DENND2B: variants seen among roughly 807,000 people sequenced by gnomAD.
The protein encoded by DENND2B is DENN domain containing 2B.
A neutral mutation model predicts 116.0 loss-of-function variants in DENND2B; 32 were observed. That is an observed-to-expected ratio of 0.28 (90% CI 0.21 to 0.37). DENND2B has a LOEUF of 0.37. DENND2B is among the 10% of genes least tolerant of loss of function. The pLI, the probability that DENND2B is intolerant of heterozygous loss-of-function variation, is 1.00. For synonymous variants in DENND2B, 588 were observed against 583.9 expected, an observed-to-expected ratio of 1.01 and a Z score of -0.10; for missense variants, 1,276 against 1,477.7, an observed-to-expected ratio of 0.86 and a Z score of 2.24.
intron 1 of DENND2B, among the ~76,000 whole-genome samples, chr11:8,775,167 C>T (rs1388603125): frequency 6.6e-6 from 1 of 152,128 alleles, no homozygotes; most frequent in Non-Finnish European, 1.5e-5. Context: ...AGACGTGGGC[C>T]ACTGTGCCTG....
At chr11:8,910,632 A>ATGTGTGTGTGTGT (rs1555224207) in intron 1 of DENND2B, among the ~76,000 whole-genome samples, 1 of 64,132 alleles carries the variant, frequency 1.6e-5, no homozygotes, top group African/African-American at 4.9e-5. Context: ...ACTCCTGGCT[A>ATGTGTGTGTGTGT]GTGTGTGTGT....
At chr11:8,838,110 G>A (rs1202351413) in intron 4 of DENND2B, among the ~76,000 whole-genome samples, 1 of 152,174 alleles carries the variant, frequency 6.6e-6, no homozygotes, top group Non-Finnish European at 1.5e-5. Flanking sequence ...TTTTCAAAGT[G>A]ACTACATATA....
Position 8,702,703 on chromosome 11 carries a change from C to T in DENND2B, c.2589G>A (p.Arg863=), listed in dbSNP as rs1455273805. 2.5e-6 allele frequency: 4 copies of T among 1,613,444 alleles called. No homozygotes were observed. Among genetic ancestry groups the T allele is most frequent in the South Asian group, 1.1e-5 (1 of 91,080 alleles). ...GAGNEVLELR[R]PMDSRLEHVD... ...CGTGCTCCAGCCTTGAGTCCATGGGCCGCCGCAGCTCTAACACCTGCAGGA... is the reference window on the plus strand; with the variant it reads ...CGTGCTCCAGCCTTGAGTCCATGGGTCGCCGCAGCTCTAACACCTGCAGGA... Residue 863 remains arginine (R), a synonymous_variant, in exon 14 of 20, where the codon CGG becomes CGA. Transcript: ENST00000313726. This position sits in a 1 kb window ranked among gnomAD's most constrained non-coding sequence, Gnocchi z 4.6.
chr11:8,718,103 CACCCCCCCCA>C, intron 4 of DENND2B: 3 of 266,122 alleles, frequency 1.1e-5, no homozygotes, highest in East Asian at 1.0e-4. Flanking sequence ...CCCACCCCCC[CACCCCCCCCA>C]ACCCCCCACC....
chr11:8,905,141 A>G (rs1057296386), intron 1 of DENND2B, among the ~76,000 whole-genome samples: 1 of 152,132 alleles, frequency 6.6e-6, no homozygotes, highest in South Asian at 2.1e-4. Context: ...CAATTTCCAA[A>G]CTTACTACAA....
Position 8,694,130 on chromosome 11 carries a change from C to G in DENND2B, c.3380G>C (p.Gly1127Ala). Residue 1127 changes from glycine to alanine, a missense_variant and splice_region_variant, in exon 20 of 20, where the codon GGC (glycine) becomes GCC (alanine). By Grantham distance (60) the Gly-to-Ala change is moderately conservative (BLOSUM62 0). Coordinates refer to ENST00000313726, the MANE Select transcript of DENND2B (RefSeq NM_213618.2). ...CTTGTGGAGAAACTTCATTTTGTTG[C>G]CTGTGGGCCAGAGAGGACAAGAGAG... is the stretch of plus-strand genomic sequence containing the variant. Reference protein sequence around the residue: ...SGMNKFLRGLGNKMKFLHKKN With the variant: ...SGMNKFLRGLANKMKFLHKKN 1 of 1,614,108 alleles carries G rather than the reference C, an allele frequency of 6.2e-7. No homozygotes were observed. The highest frequency in any genetic ancestry group is 8.5e-7 in the Non-Finnish European group (1 of 1,180,008).
intron 2 of DENND2B, among the ~76,000 whole-genome samples, chr11:8,880,421 T>C (rs1217568850): frequency 6.6e-6 from 1 of 151,710 alleles, no homozygotes; most frequent in Non-Finnish European, 1.5e-5. Flanking sequence ...TATATGTAAT[T>C]GCTAAGAGCC....
chr11:8,886,756 G>A (rs1393104818), intron 1 of DENND2B, among the ~76,000 whole-genome samples: 1 of 151,942 alleles, frequency 6.6e-6, no homozygotes, highest in African/African-American at 2.4e-5. Context: ...ATACATGTCT[G>A]TTGGATTTTT....
At chr11:8,719,061 G>C in intron 4 of DENND2B, 1 of 985,586 alleles carries the variant, frequency 1.0e-6, no homozygotes, top group African/African-American at 1.7e-5. Flanking sequence ...GTGCCACTGA[G>C]TCCCACACTT....
At chr11:8,806,639 C>CACACA (rs1565991413) in intron 1 of DENND2B, among the ~76,000 whole-genome samples, 1 of 147,660 alleles carries the variant, frequency 6.8e-6, no homozygotes, top group African/African-American at 2.5e-5. Flanking sequence ...CACACACACA[C>CACACA]CCAGGAGAGC....
In DENND2B at chr11:8,730,480, C is replaced by T. The variant is rs376442113; in HGVS notation, c.810G>A (p.Arg270=). The change falls in exon 3 of 20, where the codon AGG becomes AGA. Residue 270 remains arginine (R), a synonymous_variant. Coordinates refer to ENST00000313726, the MANE Select transcript of DENND2B (RefSeq NM_213618.2). The surrounding 1 kb of genome is among the most constrained non-coding windows in gnomAD (Gnocchi z 4.1). ...AGCTCTCCTTCCTGCTGCCATGCCC[C>T]CTGAGGAAGGCGCTGGGCTCACTCC... ...LGRSEPSAFL[R]GHGSRKESSA... is the part of the protein sequence containing the mutation. 3.7e-6 allele frequency: 6 copies of T among 1,612,182 alleles called. No homozygotes were observed. In the African/African-American group the frequency reaches 8.0e-5, roughly 21 times the overall value.
At chr11:8,780,931 G>C (rs1260836619) in intron 1 of DENND2B, among the ~76,000 whole-genome samples, 1 of 152,136 alleles carries the variant, frequency 6.6e-6, no homozygotes, top group Non-Finnish European at 1.5e-5. Flanking sequence ...GGGTGGCTAA[G>C]AGGCTACACA....
At chr11:8,897,101 TTA>T (rs2064111798) in intron 1 of DENND2B, among the ~76,000 whole-genome samples, 1 of 151,868 alleles carries the variant, frequency 6.6e-6, no homozygotes, top group Non-Finnish European at 1.5e-5. Flanking sequence ...ATTTTTTTTT[TTA>T]AAAACTAGCC....
At chr11:8,815,276 A>G (rs1174915850), upstream of DENND2B, among the ~76,000 whole-genome samples, 1 of 152,242 alleles carries the variant, frequency 6.6e-6, no homozygotes, top group East Asian at 1.9e-4. Context: ...ATGGTTGTAA[A>G]AAGTTCAGAA....
intron 1 of DENND2B, among the ~76,000 whole-genome samples, chr11:8,892,916 A>G (rs935831176): frequency 2.6e-5 from 4 of 152,204 alleles, no homozygotes; most frequent in African/African-American, 9.7e-5. Flanking sequence ...CATCATTCTG[A>G]TACCAAAGCC....
At chr11:8,785,462 G>C (rs2058814852) in intron 1 of DENND2B, 1 of 152,258 alleles carries the variant, frequency 6.6e-6, no homozygotes, top group Non-Finnish European at 1.5e-5. Flanking sequence ...ACTTCATGAA[G>C]GTAGTCGCCT....
intron 1 of DENND2B, among the ~76,000 whole-genome samples, chr11:8,903,165 T>C (rs972729026): frequency 1.3e-5 from 2 of 152,108 alleles, no homozygotes; most frequent in African/African-American, 2.4e-5. Context: ...GCCATCTGTA[T>C]TTTTTAAAGT....
chr11:8,747,242 A>T (rs1457074993), intron 2 of DENND2B, among the ~76,000 whole-genome samples: 1 of 151,704 alleles, frequency 6.6e-6, no homozygotes, highest in Non-Finnish European at 1.5e-5. Flanking sequence ...ACACACTCAG[A>T]TTTTCAGCAC....
At chr11:8,892,644 T>G (rs11042110) in intron 1 of DENND2B, among the ~76,000 whole-genome samples, 132,636 of 151,728 alleles carry the variant, frequency 0.87, 59,638 homozygotes, top group East Asian at 1. Context: ...CTAGAAAATC[T>G]AGAAGAAATG....
Sources: allele counts gnomAD v4.1 joint callset (sites outside exome capture counted in the v4.1 genomes callset), GRCh38; gene constraint gnomAD v4.1.1; non-coding constraint Gnocchi (gnomAD v3.1); transcripts MANE v1.5; gene names NCBI Gene and HGNC (gene_info 2026-07-23, HGNC 2026-07-21).